Variants in IQCJ observed in about 807,000 individuals in gnomAD.
The protein encoded by IQCJ is IQ motif containing J.
Under a neutral mutation model 11.0 loss-of-function variants are expected in IQCJ, and 9 were observed. The observed-to-expected ratio is 0.82, with a 90% CI of 0.49 to 1.43. The LOEUF (loss-of-function observed/expected upper bound fraction) is 1.43, where lower values mean the gene tolerates loss of function less well. IQCJ is among the 40% of genes most tolerant of loss of function. The pLI, the probability that IQCJ is intolerant of heterozygous loss-of-function variation, is 0.00. For missense variants in IQCJ, 146 were observed against 133.2 expected (o/e 1.10, Z -0.47); for synonymous variants, 55 against 51.3 (o/e 1.07, Z -0.31).
chr3:159,088,690 T>G (rs866343548), intron 1 of IQCJ, among the ~76,000 whole-genome samples: 14 of 152,286 alleles, frequency 9.2e-5, no homozygotes, highest in Non-Finnish European at 2.9e-5. Context: ...TCTTTGTCTC[T>G]TTTGATCTTT....
chr3:159,228,583 G>T (rs982894059), intron 1 of IQCJ, among the ~76,000 whole-genome samples: 5 of 152,152 alleles, frequency 3.3e-5, no homozygotes, highest in African/African-American at 1.2e-4. Flanking sequence ...GAGGTCAGGA[G>T]ATCGAGACCA....
At chr3:159,110,638 A>G (rs968521870) in intron 1 of IQCJ, among the ~76,000 whole-genome samples, 20 of 152,012 alleles carry the variant, frequency 1.3e-4, no homozygotes, top group African/African-American at 4.8e-4. Context: ...GACTGTTAGG[A>G]GGGGCCGTCT....
intron 1 of IQCJ, among the ~76,000 whole-genome samples, chr3:159,238,994 A>G (rs1293608492): frequency 6.6e-6 from 1 of 152,232 alleles, no homozygotes; most frequent in Non-Finnish European, 1.5e-5. Flanking sequence ...ATTGCCAGAT[A>G]TAAAATCAGA....
At chr3:159,245,791 G>C (rs1034959013) in intron 1 of IQCJ, 52 bp from the exon 2 acceptor site, 2 of 1,436,946 alleles carry the variant, frequency 1.4e-6, no homozygotes, top group African/African-American at 2.8e-5. Context: ...GAATAGCATT[G>C]CTCGGAAGTA....
At chr3:159,211,691 G>A (rs1249843633) in intron 1 of IQCJ, among the ~76,000 whole-genome samples, 1 of 152,154 alleles carries the variant, frequency 6.6e-6, no homozygotes, top group African/African-American at 2.4e-5. Context: ...ATGGCAATAA[G>A]GTGCAACTCT....
intron 1 of IQCJ, among the ~76,000 whole-genome samples, chr3:159,224,864 C>T (rs992427194): frequency 1.3e-5 from 2 of 152,062 alleles, no homozygotes; most frequent in East Asian, 3.9e-4. Flanking sequence ...AAATATATAA[C>T]AAATTCTTTT....
intron 1 of IQCJ, among the ~76,000 whole-genome samples, chr3:159,146,493 A>G (rs1007017118): frequency 6.6e-6 from 1 of 152,124 alleles, no homozygotes; most frequent in Admixed American, 6.5e-5. Flanking sequence ...TTCACGATGC[A>G]AGCTTCTTTT....
chr3:159,216,104 G>A (rs866101527), intron 1 of IQCJ, among the ~76,000 whole-genome samples: 1 of 141,186 alleles, frequency 7.1e-6, no homozygotes, highest in Non-Finnish European at 1.6e-5. Flanking sequence ...GGGGGTGGGT[G>A]GATGGAGAGA....
At chr3:159,129,111 A>G (rs1412910101) in intron 1 of IQCJ, among the ~76,000 whole-genome samples, 1 of 152,230 alleles carries the variant, frequency 6.6e-6, no homozygotes, top group Non-Finnish European at 1.5e-5. Flanking sequence ...AATTTGGAAA[A>G]TAGAGGAGAA....
intron 1 of IQCJ, among the ~76,000 whole-genome samples, chr3:159,218,538 G>C (rs7643299): frequency 1.5e-3 from 231 of 152,236 alleles, no homozygotes; most frequent in African/African-American, 5.4e-3. Flanking sequence ...TATATAAGAA[G>C]AGAGGACAAG....
chr3:159,122,408 G>T (rs771471431), intron 1 of IQCJ, among the ~76,000 whole-genome samples: 1 of 152,142 alleles, frequency 6.6e-6, no homozygotes, highest in Non-Finnish European at 1.5e-5. Context: ...AAGGGAAGAC[G>T]TATCTCTTTT....
chr3:159,201,047 T>C (rs1165506006), intron 1 of IQCJ, among the ~76,000 whole-genome samples: 1 of 152,178 alleles, frequency 6.6e-6, no homozygotes, highest in African/African-American at 2.4e-5. Flanking sequence ...TAAAGAAGTA[T>C]ATGTAGTAAA....
intron 1 of IQCJ, among the ~76,000 whole-genome samples, chr3:159,231,847 A>G (rs541767862): frequency 6.6e-6 from 1 of 152,104 alleles, no homozygotes; most frequent in East Asian, 1.9e-4. Context: ...CTTCTTCCTG[A>G]TTTAGTCTTG....
In IQCJ at chr3:159,188,883, G is replaced by A. The variant is rs1319273502; in HGVS notation, c.10-56960G>A. Among the ~76,000 whole-genome samples, 4 of 152,096 alleles carry A rather than the reference G, an allele frequency of 2.6e-5. No homozygotes were observed. The East Asian group carries it at 5.8e-4, about 22-fold the overall frequency. ...TTTTGTATTCTCAGTTCATTTAATG[G>A]TTTTAGGAATGTTCCCTTCATGAGC... On this transcript the variant is annotated intron_variant, in intron 1 of 3. Transcript: ENST00000397832.
intron 1 of IQCJ, among the ~76,000 whole-genome samples, chr3:159,085,983 G>A (rs1559978584): frequency 6.6e-6 from 1 of 152,030 alleles, no homozygotes; most frequent in Non-Finnish European, 1.5e-5. Flanking sequence ...TAGACATGAA[G>A]CCTTGCCCAT....
chr3:159,161,643 C>A (rs1330195265), intron 1 of IQCJ, among the ~76,000 whole-genome samples: 1 of 152,124 alleles, frequency 6.6e-6, no homozygotes, highest in Non-Finnish European at 1.5e-5. Flanking sequence ...AGGTTTTCTT[C>A]TAGGGTTTTT....
At chr3:159,219,893 A>G (rs1725441608) in intron 1 of IQCJ, among the ~76,000 whole-genome samples, 1 of 152,128 alleles carries the variant, frequency 6.6e-6, no homozygotes, top group Non-Finnish European at 1.5e-5. Flanking sequence ...GGGTGAGTGA[A>G]GGAGAAAGCC....
intron 1 of IQCJ, among the ~76,000 whole-genome samples, chr3:159,203,987 T>C (rs942020469): frequency 6.6e-6 from 1 of 152,132 alleles, no homozygotes; most frequent in African/African-American, 2.4e-5. Flanking sequence ...TAGCTGTCAG[T>C]GATCAGAAGG....
intron 3 of IQCJ, among the ~76,000 whole-genome samples, chr3:159,262,071 C>T (rs527750652): frequency 6.6e-6 from 1 of 152,354 alleles, no homozygotes; most frequent in African/African-American, 2.4e-5. Flanking sequence ...AAGGACTGCT[C>T]TGGAGCTGTG....
Sources: gnomAD v4.1 joint callset for allele counts (sites outside exome capture counted in the v4.1 genomes callset) on GRCh38, gnomAD v4.1.1 for gene constraint, MANE v1.5 for transcripts, NCBI Gene and HGNC (gene_info 2026-07-23, HGNC 2026-07-21) for gene names.